The following MTSS1 variants were observed in gnomAD, a reference collection of about 807,000 sequenced individuals.
MTSS1 encodes the protein MTSS I-BAR domain containing 1.
A neutral mutation model predicts 79.0 loss-of-function variants in MTSS1; 18 were observed. The observed-to-expected ratio is 0.23, with a 90% CI of 0.16 to 0.34. The LOEUF is 0.34. Among genes scored for constraint, MTSS1 ranks in the 10% least tolerant of loss-of-function variants. The pLI is 1.00. For missense variants in MTSS1, 815 were observed against 986.2 expected, an observed-to-expected ratio of 0.83 and a Z score of 2.33; for synonymous variants, 341 against 368.6, an observed-to-expected ratio of 0.93 and a Z score of 0.86.
chr8:124,664,709 T>C (rs1372738940), intron 3 of MTSS1, among the ~76,000 whole-genome samples: 1 of 152,220 alleles, frequency 6.6e-6, no homozygotes, highest in Non-Finnish European at 1.5e-5. Flanking sequence ...GACTAGTAGC[T>C]TTTGCTTACA....
Position 124,552,595 on chromosome 8 carries a change from T to TG in MTSS1, c.*396dup, listed in dbSNP as rs936041797. 10 of 189,002 alleles carry TG rather than the reference T, an allele frequency of 5.3e-5. No homozygotes were observed. Among genetic ancestry groups the TG allele is most frequent in the Admixed American group, 4.8e-4 (9 of 18,896 alleles). The allele number at this position is 189,002 out of a possible 1,614,324, so 11.7% of individuals were successfully genotyped here. A position where few individuals can be genotyped will look rare whatever the true frequency, so the allele number is the denominator to read the frequency against. ...ACTACAATGCATCTACAAAAGCTTG[T>TG]GGGGAAAAAAAAAGAAGAGTGAAGT... On this transcript the variant is annotated 3_prime_UTR_variant, in exon 14 of 14. Transcript: ENST00000518547.
chr8:124,574,512 G>A (rs1380073799), intron 6 of MTSS1, among the ~76,000 whole-genome samples: 1 of 152,298 alleles, frequency 6.6e-6, no homozygotes, highest in African/African-American at 2.4e-5. Context: ...TTCTGAAGAC[G>A]AGGTTCTTTG....
At chr8:124,677,965 A>T (rs1472227078) in intron 3 of MTSS1, among the ~76,000 whole-genome samples, 1 of 152,226 alleles carries the variant, frequency 6.6e-6, no homozygotes, top group Non-Finnish European at 1.5e-5. Flanking sequence ...GTAAGTACTC[A>T]CTAGATGCCT....
At chr8:124,583,300 C>T (rs1255841432) in intron 6 of MTSS1, among the ~76,000 whole-genome samples, 1 of 152,172 alleles carries the variant, frequency 6.6e-6, no homozygotes, top group Non-Finnish European at 1.5e-5. Context: ...GGCCAGATGC[C>T]TCTCTTCATG....
rs1212547084 is a variant in MTSS1 at position 124,727,116 on chromosome 8, G to GCA, written c.72+766_72+767dup. ...CGCGCGCACACACACATGCACGCGC[G>GCA]CACACACACACCATCTTCACAACCC... On this transcript the variant is annotated intron_variant, in intron 1 of 13. Coordinates refer to ENST00000518547, the MANE Select transcript of MTSS1 (RefSeq NM_014751.6). This position sits in a 1 kb window ranked among gnomAD's most constrained non-coding sequence, Gnocchi z 4.7. Among the ~76,000 whole-genome samples the GCA allele has an allele frequency of 2.0e-5, 3 of 152,010 alleles. No homozygotes were observed. The South Asian group carries it at 6.2e-4, about 32-fold the overall frequency.
rs1174450837 is a variant in MTSS1, at chr8:124,683,545, A to G, written c.208+15981T>C. Among the ~76,000 whole-genome samples the G allele has an allele frequency of 2.0e-5, 3 of 152,326 alleles. No homozygotes were observed. The highest frequency in any genetic ancestry group is 3.9e-4 in the East Asian group (2 of 5,194). On this transcript the variant is annotated intron_variant, in intron 3 of 13. Coordinates refer to ENST00000518547, the MANE Select transcript of MTSS1 (RefSeq NM_014751.6). This position sits in a 1 kb window ranked among gnomAD's most constrained non-coding sequence, Gnocchi z 4.5. Reference sequence around the variant, plus strand: ...TGTCTCTCCAGACTAGAAAACCTCAACTGGAGGCCAGAGGTGGGACACGCC... The same window carrying G: ...TGTCTCTCCAGACTAGAAAACCTCAGCTGGAGGCCAGAGGTGGGACACGCC...
intron 3 of MTSS1, among the ~76,000 whole-genome samples, chr8:124,694,116 T>C (rs547708364): frequency 6.5e-4 from 99 of 152,182 alleles, no homozygotes; most frequent in Admixed American, 1.7e-3. Flanking sequence ...GCTACACAGA[T>C]TTTTTTTAAT....
At chr8:124,656,754 G>T (rs1345270668) in intron 3 of MTSS1, among the ~76,000 whole-genome samples, 4 of 145,948 alleles carry the variant, frequency 2.7e-5, no homozygotes, top group Admixed American at 6.9e-5. Flanking sequence ...TTCCAGGCTG[G>T]GCAAAAGAGT....
chr8:124,696,901 G>A lies in MTSS1; in HGVS notation c.208+2625C>T, dbSNP rs28504537. Among the ~76,000 whole-genome samples the A allele has an allele frequency of 9.9e-3, 1,501 of 151,776 alleles. 18 individuals carry two copies. Among genetic ancestry groups the A allele is most frequent in the African/African-American group, 0.029 (1,191 of 41,396 alleles). On this transcript the variant is annotated intron_variant, in intron 3 of 13. Transcript: ENST00000518547. ...GTCAAAGCAGGAGTTTGTTCACTAT[G>A]AGATTATTTGCCTTTGGTGAAATAC...
rs537882421 is a variant in MTSS1 at position 124,553,161 on chromosome 8, C to G, written c.2099G>C (p.Arg700Pro). Residue 700 changes from arginine (R) to proline (P), a missense_variant, in exon 14 of 14, where the codon CGG (arginine) becomes CCG (proline). Arg to Pro is a moderately radical substitution (Grantham distance 103). Transcript: ENST00000518547. This position sits in a 1 kb window ranked among gnomAD's most constrained non-coding sequence, Gnocchi z 6.0. ...IPESEAEDQE[R>P]EPPSATVSPG... ...GGAGACAGTGGCACTTGGGGGTTCC[C>G]GTTCCTGGTCTTCAGCTTCACTTTC... is the stretch of plus-strand genomic sequence containing the variant. 4 of 1,614,120 alleles carry G rather than the reference C, an allele frequency of 2.5e-6. No individual in the cohort carries two copies. The Admixed American group carries it at 6.7e-5, about 27-fold the overall frequency.
At chr8:124,639,962 A>G (rs1235770033) in intron 3 of MTSS1, among the ~76,000 whole-genome samples, 1 of 152,208 alleles carries the variant, frequency 6.6e-6, no homozygotes, top group Non-Finnish European at 1.5e-5. Flanking sequence ...AACAATATAA[A>G]CAGTTTATGA....
chr8:124,576,571 C>T (rs1828997888), intron 6 of MTSS1, among the ~76,000 whole-genome samples: 2 of 152,216 alleles, frequency 1.3e-5, no homozygotes, highest in Non-Finnish European at 2.9e-5. Flanking sequence ...TTGTCATACC[C>T]CTTTCCTGAA....
At chr8:124,717,927 G>C (rs1338519828) in intron 1 of MTSS1, among the ~76,000 whole-genome samples, 2 of 152,106 alleles carry the variant, frequency 1.3e-5, no homozygotes, top group Non-Finnish European at 2.9e-5. Flanking sequence ...AGTATGTTTT[G>C]ACCAAATGAA....
At chr8:124,676,481 A>T (rs2134822973) in intron 3 of MTSS1, among the ~76,000 whole-genome samples, 1 of 152,342 alleles carries the variant, frequency 6.6e-6, no homozygotes, top group African/African-American at 2.4e-5. Flanking sequence ...TCAAAACCTC[A>T]TGTGGACAGA....
chr8:124,693,359 T>C (rs1006431195), intron 3 of MTSS1, among the ~76,000 whole-genome samples: 4 of 152,128 alleles, frequency 2.6e-5, no homozygotes, highest in East Asian at 1.9e-4. Flanking sequence ...CTTTTCAAAA[T>C]TGGAGATTCC....
intron 3 of MTSS1, among the ~76,000 whole-genome samples, chr8:124,647,604 TA>T (rs11394288): frequency 7.9e-5 from 12 of 151,230 alleles, no homozygotes; most frequent in Admixed American, 2.6e-4. Flanking sequence ...TGTTCTAATA[TA>T]AAAAAAAAGA....
In MTSS1 at chr8:124,560,363, A is replaced by G. The variant is rs201560570; in HGVS notation, c.1035+2419T>C. On this transcript the variant is annotated intron_variant, in intron 10 of 13. Coordinates refer to ENST00000518547, the MANE Select transcript of MTSS1 (RefSeq NM_014751.6). ...TAGCAAGACCTCATCTCTACAAAAA[A>G]TAAAAAATGTAAAAGAGGAAAGGAG... Among the ~76,000 whole-genome samples, 11 of 152,326 alleles carry G rather than the reference A, an allele frequency of 7.2e-5. No individual in the cohort carries two copies. In the East Asian group the frequency reaches 2.1e-3, roughly 29 times the overall value.
At chr8:124,657,625 C>T (rs1821210352) in intron 3 of MTSS1, among the ~76,000 whole-genome samples, 1 of 152,142 alleles carries the variant, frequency 6.6e-6, no homozygotes, top group African/African-American at 2.4e-5. Flanking sequence ...GGGGTCAGCT[C>T]CAAGCCCACT....
intron 3 of MTSS1, among the ~76,000 whole-genome samples, chr8:124,644,639 G>A (rs561761154): frequency 6.6e-6 from 1 of 152,118 alleles, no homozygotes; most frequent in Admixed American, 6.5e-5. Context: ...TCCACTTCAG[G>A]TCCCTTGAGC....
Sources: gnomAD v4.1 joint callset for allele counts (sites outside exome capture counted in the v4.1 genomes callset) on GRCh38, gnomAD v4.1.1 for gene constraint, Gnocchi (gnomAD v3.1) non-coding constraint, MANE v1.5 for transcripts, NCBI Gene and HGNC (gene_info 2026-07-23, HGNC 2026-07-21) for gene names.